The following SBNO2 variants were observed in gnomAD, a reference collection of about 807,000 sequenced individuals.
SBNO2 encodes protein strawberry notch homolog 2.
In SBNO2, 89 loss-of-function variants were observed where a neutral mutation model predicts 146.3. The ratio of observed to expected loss-of-function variants is 0.61; its 90% confidence interval spans 0.51 to 0.73. The LOEUF (loss-of-function observed/expected upper bound fraction) is 0.73, where lower values mean the gene tolerates loss of function less well. Among genes scored for constraint, SBNO2 ranks in the 30% least tolerant of loss-of-function variants. The pLI, the probability that SBNO2 is intolerant of heterozygous loss-of-function variation, is 0.00. For missense variants in SBNO2, 2,092 were observed against 2,003.7 expected (o/e 1.04, Z -0.84); for synonymous variants, 1,147 against 892.6 (o/e 1.29, Z -5.08).
intron 14 of SBNO2, 137 bp downstream of exon 14, chr19:1,118,874 A>C (rs1179440549): frequency 3.4e-6 from 3 of 887,298 alleles, no homozygotes; most frequent in East Asian, 5.3e-5. Context: ...TGTCTCAAAA[A>C]AACAACAAAA....
rs1335780203 is a variant in SBNO2, at chr19:1,108,139, G to A, written c.*81C>T. ...GGGCTCCTCTGAGCAGTGGTCAGGG[G>A]ACCTTGGCCCTGCTCCCCACCGCTG... is the stretch of plus-strand genomic sequence containing the variant. On this transcript the variant is annotated 3_prime_UTR_variant, in exon 32 of 32. Transcript: ENST00000361757. 3.6e-5 allele frequency: 50 copies of A among 1,385,340 alleles called. No homozygotes were observed. The highest frequency in any genetic ancestry group is 4.3e-5 in the Non-Finnish European group (45 of 1,049,360). The allele number at this position is 1,385,340 out of a possible 1,614,324, so 85.8% of individuals were successfully genotyped here.
Position 1,116,061 on chromosome 19 carries a change from G to C in SBNO2, c.1845C>G (p.Thr615=). The change falls in exon 17 of 32, where the codon ACC becomes ACG. Residue 615 remains threonine (T), a synonymous_variant. Transcript: ENST00000361757. ...CCGCTCCTCTGTCCCGCTTTCTCTT[G>C]GTGGACGGAAAGTGCTTCTGAATTA... ...LSLIQKHFPS[T]KRKRDRGAGS... is the part of the protein sequence containing the mutation. 1 of 1,611,334 alleles carries C rather than the reference G, an allele frequency of 6.2e-7. No individual in the cohort carries two copies. Among genetic ancestry groups the C allele is most frequent in the Non-Finnish European group, 8.5e-7 (1 of 1,179,362 alleles).
intron 13 of SBNO2, 105 bp from the exon 14 acceptor site, chr19:1,119,269 G>A (rs1431587813): frequency 2.1e-5 from 29 of 1,355,516 alleles, no homozygotes; most frequent in Non-Finnish European, 2.9e-5. Context: ...GTCGGCAGGA[G>A]CAGAGCCCTG....
At chr19:1,130,373 C>T (rs577938413) in intron 4 of SBNO2, among the ~76,000 whole-genome samples, 50 of 152,242 alleles carry the variant, frequency 3.3e-4, no homozygotes, top group African/African-American at 1.0e-3. Flanking sequence ...GGGGAGCTCA[C>T]GTCTGCTACT....
chr19:1,123,884 C>T (rs1325324690), intron 6 of SBNO2, 58 bp downstream of exon 6: 2 of 1,533,502 alleles, frequency 1.3e-6, no homozygotes, highest in Admixed American at 1.9e-5. Context: ...GTGCTGAGCC[C>T]TCTCCTTAGG....
rs1157483408 is a variant in SBNO2 at position 1,157,677 on chromosome 19, AG to A, written c.-126-3276del. Reference sequence around the variant, plus strand: ...GCTTCCTTCTGAAATCAGGTCTTCAAGGGAGTCGTTGTAAAAGAGAACGATG... The same window carrying A: ...GCTTCCTTCTGAAATCAGGTCTTCAAGGAGTCGTTGTAAAAGAGAACGATG... On this transcript the variant is annotated intron_variant, in intron 1 of 31. Transcript: ENST00000361757. The surrounding 1 kb of genome is among the most constrained non-coding windows in gnomAD (Gnocchi z 6.8). 2.0e-5 allele frequency among the ~76,000 whole-genome samples: 3 copies of A among 152,210 alleles called. No homozygotes were observed. Among genetic ancestry groups the A allele is most frequent in the African/African-American group, 7.2e-5 (3 of 41,452 alleles).
intron 11 of SBNO2, chr19:1,120,273 C>A (rs8099951): frequency 3.8e-5 from 19 of 498,064 alleles, no homozygotes; most frequent in African/African-American, 3.1e-4. Flanking sequence ...CAACACACAC[C>A]GAGGATGGGG....
chr19:1,108,902 A>G lies in SBNO2; in HGVS notation c.3493T>C (p.Tyr1165His), dbSNP rs757656438. The G allele has an allele frequency of 6.3e-7, 1 of 1,583,592 alleles. No individual in the cohort carries two copies. The highest frequency in any genetic ancestry group is 1.3e-5 in the African/African-American group (1 of 74,502). The change falls in exon 31 of 32, where the codon TAC (tyrosine) becomes CAC (histidine). Residue 1165 changes from tyrosine (Y) to histidine (H), a missense_variant. By Grantham distance (83) the Tyr-to-His change is moderately conservative. Coordinates refer to ENST00000361757, the MANE Select transcript of SBNO2 (RefSeq NM_014963.3). ...CGCAGCAGCGCGCCGCACAGCATGTAGTGGTGCCGCAGCCGCAGCCCCTGC... is the reference window on the plus strand; with the variant it reads ...CGCAGCAGCGCGCCGCACAGCATGTGGTGGTGCCGCAGCCGCAGCCCCTGC... The part of the protein sequence containing the change: ...CLQGLRLRHH[Y>H]MLCGALLRVW...
chr19:1,117,744 G>A (rs572734994), intron 14 of SBNO2, among the ~76,000 whole-genome samples: 4 of 152,370 alleles, frequency 2.6e-5, no homozygotes, highest in East Asian at 1.9e-4. Flanking sequence ...CCGCGCCCGC[G>A]GCAAACAGGC....
At chr19:1,120,196 C>G in intron 11 of SBNO2, 173 bp from the exon 12 acceptor site, 4 of 528,102 alleles carry the variant, frequency 7.6e-6, no homozygotes, top group South Asian at 2.0e-5. Flanking sequence ...GGGGGGCGGG[C>G]GGGCAGGCGG....
Position 1,123,547 on chromosome 19 carries a change from G to A in SBNO2, c.615C>T (p.Tyr205=), listed in dbSNP as rs376387297. 3.7e-5 allele frequency: 60 copies of A among 1,613,264 alleles called. No individual in the cohort carries two copies. The highest frequency in any genetic ancestry group is 1.6e-4 in the Middle Eastern group (1 of 6,082). Reference sequence around the variant, plus strand: ...CGGGCCACTCACACTTGGACGGCACGTAGTCGGCGTAGGTCTCTGTGTGCC... The same window carrying A: ...CGGGCCACTCACACTTGGACGGCACATAGTCGGCGTAGGTCTCTGTGTGCC... ...ELGHTETYAD[Y]VPSKSKIGKQ... The change falls in exon 7 of 32, where the codon TAC becomes TAT. Residue 205 remains tyrosine (Y), a synonymous_variant. Coordinates refer to ENST00000361757, the MANE Select transcript of SBNO2 (RefSeq NM_014963.3).
At chr19:1,135,703 C>T (rs1310206000) in intron 4 of SBNO2, among the ~76,000 whole-genome samples, 1 of 152,224 alleles carries the variant, frequency 6.6e-6, no homozygotes, top group Non-Finnish European at 1.5e-5. Context: ...TGAATGCCCG[C>T]TGCCTCAGCC....
chr19:1,109,567 T>A lies in SBNO2; in HGVS notation c.3155A>T (p.Asp1052Val). 6.4e-7 allele frequency: 1 copy of A among 1,572,840 alleles called. No individual in the cohort carries two copies. The highest frequency in any genetic ancestry group is 8.6e-7 in the Non-Finnish European group (1 of 1,160,830). ...CAGCGCCAGCGACTTGGCAAAGGCG[T>A]CCTCCCACTTCAGGCCGCGGTCCAC... Reference protein sequence around the residue: ...ISVDRGLKWEDAFAKSLALTG... With the variant: ...ISVDRGLKWEVAFAKSLALTG... Residue 1052 changes from aspartate (D) to valine (V), a missense_variant, in exon 28 of 32, where the codon GAC (aspartate) becomes GTC (valine). Asp to Val is a radical substitution (Grantham distance 152). Transcript: ENST00000361757. The surrounding 1 kb of genome is among the most constrained non-coding windows in gnomAD (Gnocchi z 4.2).
chr19:1,120,114 T>TG, intron 11 of SBNO2, 91 bp from the exon 12 acceptor site: 2 of 1,002,900 alleles, frequency 2.0e-6, no homozygotes, highest in Non-Finnish European at 1.5e-6. Flanking sequence ...ACCTTCCTGG[T>TG]GGGGGGCAAA....
chr19:1,116,076 C>A lies in SBNO2; in HGVS notation c.1830G>T (p.Lys610Asn), dbSNP rs559971408. ...GCTTTCTCTTGGTGGACGGAAAGTGCTTCTGAATTAGCGACAGGAACACGC... is the reference window on the plus strand; with the variant it reads ...GCTTTCTCTTGGTGGACGGAAAGTGATTCTGAATTAGCGACAGGAACACGC... ...AEGVFLSLIQ[K>N]HFPSTKRKRD... The change falls in exon 17 of 32, where the codon AAG (lysine) becomes AAT (asparagine). Residue 610 changes from lysine (K) to asparagine (N), a missense_variant. Coordinates refer to ENST00000361757, the MANE Select transcript of SBNO2 (RefSeq NM_014963.3). The A allele has an allele frequency of 2.9e-5, 46 of 1,611,256 alleles. No homozygotes were observed. The South Asian group carries it at 4.7e-4, about 17-fold the overall frequency.
intron 1 of SBNO2, among the ~76,000 whole-genome samples, chr19:1,165,685 C>CCCAGACCCCAGAT (rs1568646758): frequency 1.1e-4 from 9 of 80,560 alleles, no homozygotes; most frequent in African/African-American, 2.9e-4. Flanking sequence ...AGTACCCAGA[C>CCCAGACCCCAGAT]CCCAGATCTC....
At chr19:1,123,680 A>T in intron 6 of SBNO2, 41 bp from the exon 7 acceptor site, 1 of 1,561,286 alleles carries the variant, frequency 6.4e-7, no homozygotes, top group Non-Finnish European at 8.7e-7. Flanking sequence ...TGCAGGCCTG[A>T]GCGGCCGCGG....
In SBNO2 at chr19:1,122,521, G is replaced by T; in HGVS notation, c.952C>A (p.Arg318Ser). 3.2e-6 allele frequency: 5 copies of T among 1,561,418 alleles called. No individual in the cohort carries two copies. The highest frequency in any genetic ancestry group is 2.4e-5 in the East Asian group (1 of 42,048). Residue 318 changes from arginine (R) to serine (S), a missense_variant, in exon 10 of 32, where the codon CGC (arginine) becomes AGC (serine). Coordinates refer to ENST00000361757, the MANE Select transcript of SBNO2 (RefSeq NM_014963.3). ...GTGGCTTCGATGTCCCGCAGGTCGC[G>T]CTCCGCATCGTACTTGAGGTCGTTG... ...VSNDLKYDAE[R>S]DLRDIEATGI...
intron 1 of SBNO2, among the ~76,000 whole-genome samples, chr19:1,171,541 C>G (rs2145366090): frequency 6.6e-6 from 1 of 152,292 alleles, no homozygotes; most frequent in South Asian, 2.1e-4. Flanking sequence ...TCCCACCCCC[C>G]AGCATGGGGG....
Sources: gnomAD v4.1 joint callset for allele counts (sites outside exome capture counted in the v4.1 genomes callset) on GRCh38, gnomAD v4.1.1 for gene constraint, Gnocchi (gnomAD v3.1) non-coding constraint, MANE v1.5 for transcripts, NCBI Gene and HGNC (gene_info 2026-07-23, HGNC 2026-07-21) for gene names.